Variants in PRELID2 observed in about 807,000 individuals in gnomAD.
PRELID2 encodes the protein PRELI domain-containing protein 2.
In PRELID2, 25 loss-of-function variants were observed where a neutral mutation model predicts 28.4. The observed-to-expected ratio is 0.88, with a 90% CI of 0.64 to 1.23. The LOEUF (loss-of-function observed/expected upper bound fraction) is 1.23, where lower values mean the gene tolerates loss of function less well. Ranked by LOEUF, PRELID2 falls within the 50% of genes most tolerant of loss-of-function variation. PRELID2 has a pLI of 0.00. For missense variants in PRELID2, 201 were observed against 214.4 expected, an observed-to-expected ratio of 0.94 and a Z score of 0.39; for synonymous variants, 76 against 71.6, an observed-to-expected ratio of 1.06 and a Z score of -0.31.
the PRELID2 span, among the ~76,000 whole-genome samples, chr5:145,444,778 T>C: frequency 6.6e-6 from 1 of 152,068 alleles, no homozygotes; most frequent in East Asian, 1.9e-4. Context: ...CGTCCACTTA[T>C]TTCATATTAA....
At chr5:145,539,976 T>C (rs73307666) in intron 1 of PRELID2, among the ~76,000 whole-genome samples, 1,549 of 151,944 alleles carry the variant, frequency 0.01, 28 homozygotes, top group African/African-American at 0.035. Context: ...CTTTTCTTAT[T>C]TTTTTATTTT....
the PRELID2 span, among the ~76,000 whole-genome samples, chr5:145,340,892 C>T: frequency 3.0e-4 from 45 of 150,952 alleles, no homozygotes; most frequent in Non-Finnish European, 5.7e-4. Flanking sequence ...CCACTAGGGC[C>T]CAAAGACTGG....
intron 5 of PRELID2, chr5:145,795,283 A>G (rs1752662127): frequency 6.6e-6 from 1 of 152,168 alleles, no homozygotes; most frequent in East Asian, 1.9e-4. Flanking sequence ...CTGAGTGAGT[A>G]AAGGTGACAT....
At chr5:145,445,108 T>A in the PRELID2 span, among the ~76,000 whole-genome samples, 1 of 152,104 alleles carries the variant, frequency 6.6e-6, no homozygotes, top group Admixed American at 6.6e-5. Context: ...GCCAGAGGTA[T>A]CACACTACCG....
downstream of PRELID2, among the ~76,000 whole-genome samples, chr5:145,470,879 G>A (rs1206123147): frequency 1.3e-5 from 2 of 152,004 alleles, no homozygotes; most frequent in African/African-American, 4.8e-5. Flanking sequence ...ACAGCAGCTT[G>A]GAAAATTGCT....
chr5:145,752,087 T>C (rs1208726382), downstream of PRELID2, among the ~76,000 whole-genome samples: 1 of 152,130 alleles, frequency 6.6e-6, no homozygotes. Flanking sequence ...GAGAATTGCA[T>C]GCAATACCCC....
intron 1 of PRELID2, among the ~76,000 whole-genome samples, chr5:145,500,974 G>A (rs1197175613): frequency 6.6e-6 from 1 of 152,130 alleles, no homozygotes; most frequent in African/African-American, 2.4e-5. Flanking sequence ...GCAAGCAGAG[G>A]GAGGACCTGG....
At chr5:145,531,043 G>A (rs1279059784) in intron 1 of PRELID2, among the ~76,000 whole-genome samples, 1 of 152,140 alleles carries the variant, frequency 6.6e-6, no homozygotes, top group Non-Finnish European at 1.5e-5. Flanking sequence ...GAAAAGTGAA[G>A]CCTTGGGCTT....
At chr5:145,718,907 A>G (rs2149715653) in intron 1 of PRELID2, among the ~76,000 whole-genome samples, 1 of 152,186 alleles carries the variant, frequency 6.6e-6, no homozygotes, top group South Asian at 2.1e-4. Context: ...CCATAAAGTT[A>G]ACTGAGGAAA....
chr5:145,405,808 C>T, the PRELID2 span, among the ~76,000 whole-genome samples: 1 of 149,312 alleles, frequency 6.7e-6, no homozygotes, highest in African/African-American at 2.5e-5. Context: ...CAGGTTCATG[C>T]CAATCTCCTG....
intron 1 of PRELID2, among the ~76,000 whole-genome samples, chr5:145,570,661 A>C (rs1753007856): frequency 6.6e-6 from 1 of 152,104 alleles, no homozygotes; most frequent in South Asian, 2.1e-4. Flanking sequence ...TCCATGTCTC[A>C]TCCCCTCCTC....
chr5:145,578,518 G>C (rs1377414991), intron 1 of PRELID2, among the ~76,000 whole-genome samples: 2 of 152,024 alleles, frequency 1.3e-5, no homozygotes, highest in Non-Finnish European at 2.9e-5. Context: ...AAAAATGTGT[G>C]AAGAGCAAAA....
chr5:145,244,035 A>T, the PRELID2 span, among the ~76,000 whole-genome samples: 1 of 151,894 alleles, frequency 6.6e-6, no homozygotes, highest in Admixed American at 6.6e-5. Context: ...TCACTGTAAC[A>T]TTTGCCTCCC....
At chr5:145,654,106 G>A (rs1188628028) in intron 1 of PRELID2, among the ~76,000 whole-genome samples, 1 of 152,112 alleles carries the variant, frequency 6.6e-6, no homozygotes, top group East Asian at 1.9e-4. Context: ...TACCATCAGA[G>A]AATACTATAA....
chr5:145,292,535 C>G, the PRELID2 span, among the ~76,000 whole-genome samples: 1 of 152,082 alleles, frequency 6.6e-6, no homozygotes, highest in Non-Finnish European at 1.5e-5. Flanking sequence ...AGTCACAGCT[C>G]AGCAAATATT....
chr5:145,418,666 G>T, the PRELID2 span, among the ~76,000 whole-genome samples: 3 of 152,148 alleles, frequency 2.0e-5, no homozygotes, highest in African/African-American at 7.2e-5. Context: ...AATAAATGGT[G>T]CTGGGAGAAC....
chr5:145,514,274 T>A, intron 1 of PRELID2, among the ~76,000 whole-genome samples: 1 of 135,992 alleles, frequency 7.4e-6, no homozygotes, highest in South Asian at 2.4e-4. Context: ...ACACATAGGC[T>A]CAAAACAAAG....
At chr5:145,409,676 G>A in the PRELID2 span, among the ~76,000 whole-genome samples, 36 of 151,668 alleles carry the variant, frequency 2.4e-4, 1 homozygote, top group Admixed American at 2.0e-3. Flanking sequence ...CAGTTTGGAA[G>A]GGCAAGGCGG....
At chr5:145,303,405 T>G in the PRELID2 span, among the ~76,000 whole-genome samples, 1 of 152,294 alleles carries the variant, frequency 6.6e-6, no homozygotes, top group Middle Eastern at 3.4e-3. Context: ...ACCCAGAAGA[T>G]TTAGAAGCTT....
Sources: allele counts gnomAD v4.1 joint callset (sites outside exome capture counted in the v4.1 genomes callset), GRCh38; gene constraint gnomAD v4.1.1; transcripts MANE v1.5; gene names NCBI Gene and HGNC (gene_info 2026-07-23, HGNC 2026-07-21).